CSNK1G2: variants seen among roughly 807,000 people sequenced by gnomAD.
CSNK1G2 encodes the protein casein kinase I isoform gamma-2.
CSNK1G2 carries 11 observed loss-of-function variants against 48.0 expected under a neutral mutation model. The observed-to-expected ratio is 0.23, with a 90% CI of 0.14 to 0.38. The LOEUF is 0.38. Ranked by LOEUF, CSNK1G2 falls within the 10% of genes least tolerant of loss-of-function variation. CSNK1G2 has a pLI of 1.00. For synonymous variants in CSNK1G2, 337 were observed against 254.1 expected (o/e 1.33, Z -3.10); for missense variants, 446 against 595.5 (o/e 0.75, Z 2.61).
chr19:1,943,384 C>G (rs552887271), intron 1 of CSNK1G2, among the ~76,000 whole-genome samples: 1 of 152,170 alleles, frequency 6.6e-6, no homozygotes, highest in Admixed American at 6.5e-5. Context: ...CAGGATGGCC[C>G]GCGATGGTGC....
At chr19:1,946,549 C>T (rs866986576) in intron 1 of CSNK1G2, among the ~76,000 whole-genome samples, 76 of 137,728 alleles carry the variant, frequency 5.5e-4, no homozygotes, top group Middle Eastern at 4.8e-3. Context: ...CCTCGGCCTC[C>T]CAAAGTGCTG....
intron 1 of CSNK1G2, among the ~76,000 whole-genome samples, chr19:1,968,464 G>A (rs2015453989): frequency 6.6e-6 from 1 of 152,222 alleles, no homozygotes; most frequent in Non-Finnish European, 1.5e-5. Flanking sequence ...AGCCGGGGCT[G>A]GCTGGCCCCC....
chr19:1,961,111 C>T (rs2015184659), intron 1 of CSNK1G2, among the ~76,000 whole-genome samples: 1 of 152,252 alleles, frequency 6.6e-6, no homozygotes, highest in African/African-American at 2.4e-5. Flanking sequence ...CCCTGTCCGT[C>T]CCGTTGGCAG....
intron 1 of CSNK1G2, among the ~76,000 whole-genome samples, chr19:1,951,806 G>C (rs1430419677): frequency 1.4e-5 from 2 of 147,658 alleles, no homozygotes; most frequent in African/African-American, 5.1e-5. Context: ...TCAGCCTCCC[G>C]AGCAGCTGGG....
chr19:1,973,777 A>G (rs2015657697), intron 2 of CSNK1G2, among the ~76,000 whole-genome samples: 1 of 152,036 alleles, frequency 6.6e-6, no homozygotes, highest in African/African-American at 2.4e-5. Context: ...CCATGTGCAC[A>G]TTCACTTTGG....
intron 1 of CSNK1G2, among the ~76,000 whole-genome samples, chr19:1,948,559 C>G (rs4997257): frequency 6.9e-6 from 1 of 145,626 alleles, no homozygotes; most frequent in South Asian, 2.1e-4. Context: ...AAAAAAGATC[C>G]CGTCACACTG....
intron 1 of CSNK1G2, among the ~76,000 whole-genome samples, chr19:1,950,205 G>T (rs1279803791): frequency 1.3e-5 from 2 of 152,090 alleles, no homozygotes; most frequent in Non-Finnish European, 2.9e-5. Flanking sequence ...GGTGGCGTGA[G>T]CTCTGCTCAC....
chr19:1,947,808 G>A (rs952526929), intron 1 of CSNK1G2, among the ~76,000 whole-genome samples: 2 of 152,204 alleles, frequency 1.3e-5, no homozygotes, highest in Non-Finnish European at 2.9e-5. Flanking sequence ...CCTGTACGCC[G>A]TGGAGAGGGG....
At chr19:1,956,466 G>A (rs140315978) in intron 1 of CSNK1G2, among the ~76,000 whole-genome samples, 12 of 152,248 alleles carry the variant, frequency 7.9e-5, no homozygotes, top group African/African-American at 2.2e-4. Context: ...GTAATGAGCC[G>A]AGATCCTGCC....
intron 1 of CSNK1G2, among the ~76,000 whole-genome samples, chr19:1,960,421 G>C (rs540894834): frequency 4.0e-4 from 61 of 152,332 alleles, no homozygotes; most frequent in Non-Finnish European, 5.9e-4. Context: ...AGTGTGGCGC[G>C]AGCAGGCTGG....
chr19:1,942,452 C>G (rs1879849856), intron 1 of CSNK1G2: 1 of 152,372 alleles, frequency 6.6e-6, no homozygotes, highest in African/African-American at 2.4e-5. Flanking sequence ...AGTCCAGCAT[C>G]TTCTCCCCGT....
intron 1 of CSNK1G2, among the ~76,000 whole-genome samples, chr19:1,965,706 C>T (rs2015344893): frequency 6.6e-6 from 1 of 152,136 alleles, no homozygotes; most frequent in African/African-American, 2.4e-5. Flanking sequence ...CCATGTTCCT[C>T]AGGCTGGTCT....
chr19:1,958,280 G>T (rs1012861592), intron 1 of CSNK1G2, among the ~76,000 whole-genome samples: 1 of 151,992 alleles, frequency 6.6e-6, no homozygotes, highest in African/African-American at 2.4e-5. Flanking sequence ...GCCTCGCTTC[G>T]TCCTTTTTGG....
chr19:1,967,492 G>A (rs2015400449), intron 1 of CSNK1G2, among the ~76,000 whole-genome samples: 1 of 147,816 alleles, frequency 6.8e-6, no homozygotes, highest in Non-Finnish European at 1.5e-5. Context: ...GGGTCAGGGA[G>A]GACCCGGCAG....
chr19:1,953,215 C>G (rs899072738), intron 1 of CSNK1G2, among the ~76,000 whole-genome samples: 2 of 152,190 alleles, frequency 1.3e-5, no homozygotes, highest in African/African-American at 4.8e-5. Flanking sequence ...TGCACGTTCC[C>G]CCCGCTGTCT....
At chr19:1,952,910 C>T (rs1370591533) in intron 1 of CSNK1G2, 1 of 449,060 alleles carries the variant, frequency 2.2e-6, no homozygotes, top group Admixed American at 3.3e-5. Flanking sequence ...ACCGAGGTGA[C>T]TGCCTTCGAG....
chr19:1,977,321 A>AGGCTCACCCCTC (rs2015792585), intron 2 of CSNK1G2, among the ~76,000 whole-genome samples: 1 of 152,070 alleles, frequency 6.6e-6, no homozygotes, highest in Admixed American at 6.5e-5. Context: ...GTTCACCTCT[A>AGGCTCACCCCTC]GGCTCACCCC....
intron 2 of CSNK1G2, chr19:1,974,829 G>T (rs1343013218): frequency 6.5e-6 from 1 of 152,760 alleles, no homozygotes; most frequent in African/African-American, 2.4e-5. Context: ...CCGGCCATTG[G>T]AGCTGTGGCG....
rs902926259 is a variant in CSNK1G2, at chr19:1,966,766, C to T, written c.-265-2742C>T. ...CAGCCTCCAGCAGCCACCGCCCCAA[C>T]GAGTCAGCCGCCGTCCACATTGAGG... On this transcript the variant is annotated intron_variant, in intron 1 of 11. Coordinates refer to ENST00000255641, the MANE Select transcript of CSNK1G2 (RefSeq NM_001319.7). 3.9e-5 allele frequency among the ~76,000 whole-genome samples: 6 copies of T among 152,198 alleles called. No homozygotes were observed. In the East Asian group the frequency reaches 7.7e-4, roughly 20 times the overall value.
Sources: allele counts gnomAD v4.1 joint callset (sites outside exome capture counted in the v4.1 genomes callset), GRCh38; gene constraint gnomAD v4.1.1; transcripts MANE v1.5; gene names NCBI Gene and HGNC (gene_info 2026-07-23, HGNC 2026-07-21).